CDON: variants seen among roughly 807,000 people sequenced by gnomAD.
CDON encodes the protein cell adhesion molecule-related/down-regulated by oncogenes.
In CDON, 73 loss-of-function variants were observed where a neutral mutation model predicts 120.9. That is an observed-to-expected ratio of 0.60 (90% CI 0.50 to 0.73). The LOEUF is 0.73. Ranked by LOEUF, CDON falls within the 30% of genes least tolerant of loss-of-function variation. The pLI is 0.00. For missense variants in CDON, 1,470 were observed against 1,587.3 expected (o/e 0.93, Z 1.26); for synonymous variants, 566 against 573.5 (o/e 0.99, Z 0.19).
At chr11:125,993,395 G>GCACA (rs72031190) in intron 14 of CDON, among the ~76,000 whole-genome samples, 25 of 150,894 alleles carry the variant, frequency 1.7e-4, no homozygotes, top group East Asian at 9.7e-4. Context: ...GCGCGTGCGT[G>GCACA]CACACACACA....
At chr11:125,969,706 G>C (rs1945906840) in intron 18 of CDON, among the ~76,000 whole-genome samples, 1 of 152,216 alleles carries the variant, frequency 6.6e-6, no homozygotes, top group African/African-American at 2.4e-5. Context: ...TAAAACCTCA[G>C]GTGGTCTGGG....
rs11372251 is a variant in CDON at position 125,967,024 on chromosome 11, TA to T, written c.3357-5027del. Among the ~76,000 whole-genome samples the T allele has an allele frequency of 4.4e-3, 623 of 143,174 alleles. 2 individuals carry two copies. Among genetic ancestry groups the T allele is most frequent in the African/African-American group, 7.2e-3 (283 of 39,380 alleles). 93.9% of individuals were successfully genotyped at this position (143,174 alleles called of 152,430 possible). ...GAAGGAAAATGACTAGCAACAGATTTAAAAAAAAAAAAGGAAATACAGAAAG... is the reference window on the plus strand; with the variant it reads ...GAAGGAAAATGACTAGCAACAGATTTAAAAAAAAAAAGGAAATACAGAAAG... On this transcript the variant is annotated intron_variant, in intron 18 of 19. Coordinates refer to ENST00000531738, the MANE Select transcript of CDON (RefSeq NM_001378964.1).
intron 1 of CDON, among the ~76,000 whole-genome samples, chr11:126,058,801 G>A (rs1465367915): frequency 6.6e-6 from 1 of 152,190 alleles, no homozygotes; most frequent in Non-Finnish European, 1.5e-5. Flanking sequence ...AACATTATTT[G>A]AGGCAGGGGA....
intron 3 of CDON, among the ~76,000 whole-genome samples, chr11:126,021,033 C>A (rs1231985011): frequency 6.6e-6 from 1 of 151,448 alleles, no homozygotes; most frequent in Non-Finnish European, 1.5e-5. Flanking sequence ...TTAAAAAAAT[C>A]ATTTCCATAT....
chr11:125,981,413 TGCACATAC>T (rs1425999334), intron 16 of CDON, 84 bp from the exon 17 acceptor site: 35 of 1,401,670 alleles, frequency 2.5e-5, no homozygotes, highest in Admixed American at 1.4e-4. Context: ...CATGCACACA[TGCACATAC>T]GCACACACGC....
At chr11:125,970,044 T>C (rs1945921348) in intron 18 of CDON, among the ~76,000 whole-genome samples, 2 of 152,188 alleles carry the variant, frequency 1.3e-5, no homozygotes. Flanking sequence ...AATTTTTGCA[T>C]TAAGTTTCCT....
chr11:126,031,238 T>C (rs1348822490), intron 1 of CDON, among the ~76,000 whole-genome samples: 1 of 152,154 alleles, frequency 6.6e-6, no homozygotes, highest in Non-Finnish European at 1.5e-5. Flanking sequence ...CACATGAGGC[T>C]TACAACCAGG....
At chr11:126,010,237 T>C in intron 8 of CDON, 104 bp downstream of exon 8, 8 of 838,044 alleles carry the variant, frequency 9.5e-6, no homozygotes, top group South Asian at 1.6e-5. Flanking sequence ...GGAAAAAATA[T>C]AGAGAGATTG....
At position 126,018,376 on chromosome 11, in the gene CDON, T is replaced by G. The variant is rs1332330994; in HGVS notation, c.594A>C (p.Thr198=). Residue 198 remains threonine (T), a synonymous_variant, in exon 5 of 20, where the codon ACA becomes ACC. Coordinates refer to ENST00000531738, the MANE Select transcript of CDON (RefSeq NM_001378964.1). ...CAATAGGTTCAACTTTTAATTGATG[T>G]GTGACAGGATTATAAGCTGCACATT... ...SYKCAAYNPV[T]HQLKVEPIGR... 1.9e-6 allele frequency: 3 copies of G among 1,613,958 alleles called. No homozygotes were observed. Among genetic ancestry groups the G allele is most frequent in the Non-Finnish European group, 2.5e-6 (3 of 1,179,932 alleles).
chr11:126,020,850 G>C (rs145793000), intron 3 of CDON, among the ~76,000 whole-genome samples: 4 of 152,208 alleles, frequency 2.6e-5, no homozygotes, highest in African/African-American at 9.6e-5. Flanking sequence ...GAAAGACAAA[G>C]GACTCCAGGA....
At position 125,960,776 on chromosome 11, in the gene CDON, A is replaced by C. The variant is rs1945619768; in HGVS notation, c.*166T>G. 2.9e-6 allele frequency: 2 copies of C among 691,914 alleles called. No individual in the cohort carries two copies. Among genetic ancestry groups the C allele is most frequent in the Admixed American group, 2.4e-5 (1 of 41,498 alleles). 42.9% of individuals were successfully genotyped at this position (691,914 alleles called of 1,614,324 possible). On this transcript the variant is annotated 3_prime_UTR_variant, in exon 20 of 20. Coordinates refer to ENST00000531738, the MANE Select transcript of CDON (RefSeq NM_001378964.1). Reference sequence around the variant, plus strand: ...AAAACATTTAAGGCATAAATAATATAAAAGGGCACACGTTTTAAGATACAT... The same window carrying C: ...AAAACATTTAAGGCATAAATAATATCAAAGGGCACACGTTTTAAGATACAT...
intron 18 of CDON, among the ~76,000 whole-genome samples, chr11:125,972,298 C>T (rs1369507810): frequency 1.3e-5 from 2 of 152,088 alleles, no homozygotes; most frequent in Non-Finnish European, 2.9e-5. Flanking sequence ...CATGGTGCCA[C>T]ACGCCTGTAA....
At chr11:125,973,537 C>CAAAAA (rs1164347106) in intron 18 of CDON, among the ~76,000 whole-genome samples, 2 of 152,030 alleles carry the variant, frequency 1.3e-5, no homozygotes, top group Non-Finnish European at 2.9e-5. Flanking sequence ...TCTCAGAAAA[C>CAAAAA]AAAAACAAAA....
intron 1 of CDON, among the ~76,000 whole-genome samples, chr11:126,059,790 T>C (rs1948754082): frequency 6.6e-6 from 1 of 152,160 alleles, no homozygotes; most frequent in Non-Finnish European, 1.5e-5. Flanking sequence ...TTTAGGCAAG[T>C]ATAATTAGCT....
intron 18 of CDON, among the ~76,000 whole-genome samples, chr11:125,971,253 G>A (rs1385742372): frequency 1.3e-5 from 2 of 151,864 alleles, no homozygotes; most frequent in East Asian, 1.9e-4. Flanking sequence ...TGTGGTGGCG[G>A]GCACTTGTAG....
chr11:125,982,198 T>G (rs1375774991), intron 16 of CDON, among the ~76,000 whole-genome samples: 1 of 151,976 alleles, frequency 6.6e-6, no homozygotes, highest in Admixed American at 6.6e-5. Context: ...TTGGTTTCGA[T>G]CTCCTGACCT....
chr11:126,026,822 T>G (rs965052305), intron 1 of CDON, among the ~76,000 whole-genome samples: 1 of 152,212 alleles, frequency 6.6e-6, no homozygotes. Flanking sequence ...AAAGTAAACA[T>G]TCAAATAACT....
intron 1 of CDON, among the ~76,000 whole-genome samples, chr11:126,025,526 T>TG (rs1555131637): frequency 1.2e-5 from 1 of 85,460 alleles, no homozygotes; most frequent in Non-Finnish European, 2.5e-5. Flanking sequence ...GGTTTGTTTG[T>TG]GGGGGGTGTG....
At chr11:125,989,404 T>C (rs1393284389) in intron 15 of CDON, among the ~76,000 whole-genome samples, 1 of 152,108 alleles carries the variant, frequency 6.6e-6, no homozygotes, top group Non-Finnish European at 1.5e-5. Context: ...GGCGTGGTGG[T>C]GCGCACCTGC....
Sources: allele counts gnomAD v4.1 joint callset (sites outside exome capture counted in the v4.1 genomes callset), GRCh38; gene constraint gnomAD v4.1.1; transcripts MANE v1.5; gene names NCBI Gene and HGNC (gene_info 2026-07-23, HGNC 2026-07-21).